The following CCNJL variants were observed in gnomAD, a reference collection of about 807,000 sequenced individuals.
CCNJL encodes the protein cyclin-J-like protein.
CCNJL carries 33 observed loss-of-function variants against 33.4 expected under a neutral mutation model. That is an observed-to-expected ratio of 0.99 (90% CI 0.75 to 1.32). The LOEUF is 1.32. Ranked by LOEUF, CCNJL falls within the 40% of genes most tolerant of loss-of-function variation. The pLI, the probability that CCNJL is intolerant of heterozygous loss-of-function variation, is 0.00. For synonymous variants in CCNJL, 227 were observed against 220.9 expected (o/e 1.03, Z -0.24); for missense variants, 512 against 499.7 (o/e 1.02, Z -0.23).
chr5:160,336,860 G>T (rs1340476435), intron 1 of CCNJL, among the ~76,000 whole-genome samples: 2 of 152,018 alleles, frequency 1.3e-5, no homozygotes, highest in Non-Finnish European at 2.9e-5. Flanking sequence ...AGTGAAACCT[G>T]TTGGCTCTAT....
intron 3 of CCNJL, 87 bp from the exon 4 acceptor site, chr5:160,259,858 A>G (rs962518827): frequency 3.0e-5 from 33 of 1,091,636 alleles, no homozygotes; most frequent in Admixed American, 2.0e-4. Flanking sequence ...GTGCCTGGAC[A>G]TTGCTGGCAA....
rs149012875 is a variant in CCNJL, at chr5:160,322,424, A to C, written n.207-6919T>G. The stretch of plus-strand genomic sequence containing the variant: ...CCTTCTTTCCAAAATGGGGATAATA[A>C]TAGTACTGCCTTTATGGGGTTATAT... On this transcript the variant is annotated intron_variant and non_coding_transcript_variant, in intron 1 of 7. Coordinates refer to the CCNJL transcript ENST00000377503. 6.6e-4 allele frequency among the ~76,000 whole-genome samples: 101 copies of C among 152,314 alleles called. 1 individual carries two copies. In the East Asian group the frequency reaches 0.014, roughly 22 times the overall value.
At chr5:160,268,004 GCTCT>G (rs1423113736) in intron 3 of CCNJL, among the ~76,000 whole-genome samples, 5 of 152,216 alleles carry the variant, frequency 3.3e-5, no homozygotes, top group African/African-American at 7.2e-5. Flanking sequence ...CAAAGGAGTG[GCTCT>G]CTAACAGGAA....
rs1247363783 is a variant in CCNJL at position 160,286,742 on chromosome 5, T to C, written c.67-6004A>G. 2.6e-5 allele frequency among the ~76,000 whole-genome samples: 4 copies of C among 152,136 alleles called. No individual in the cohort carries two copies. The East Asian group carries it at 7.7e-4, about 29-fold the overall frequency. On this transcript the variant is annotated intron_variant, in intron 2 of 5. Coordinates refer to ENST00000257536, the MANE Select transcript of CCNJL (RefSeq NM_001308173.3). Reference sequence around the variant, plus strand: ...GTAGGTACAGCGTGCTGGAAGGGGCTGGTCTCAAGAGGGCAGGATTTTGAA... The same window carrying C: ...GTAGGTACAGCGTGCTGGAAGGGGCCGGTCTCAAGAGGGCAGGATTTTGAA...
At chr5:160,301,869 A>C (rs1478300302) in intron 2 of CCNJL, among the ~76,000 whole-genome samples, 1 of 151,598 alleles carries the variant, frequency 6.6e-6, no homozygotes, top group Non-Finnish European at 1.5e-5. Context: ...AGCTGGGATT[A>C]CAGGCATGTG....
intron 2 of CCNJL, among the ~76,000 whole-genome samples, chr5:160,282,150 C>G (rs1290308276): frequency 6.6e-6 from 1 of 152,174 alleles, no homozygotes; most frequent in Non-Finnish European, 1.5e-5. Flanking sequence ...TCTCTTAACC[C>G]TGGGGCTTAC....
At chr5:160,273,532 G>T (rs1247888456) in intron 3 of CCNJL, among the ~76,000 whole-genome samples, 1 of 151,870 alleles carries the variant, frequency 6.6e-6, no homozygotes, top group African/African-American at 2.4e-5. Flanking sequence ...GGTGAAAGAA[G>T]AAGACAGAGT....
At chr5:160,296,894 C>T (rs567463070) in intron 2 of CCNJL, among the ~76,000 whole-genome samples, 2 of 152,268 alleles carry the variant, frequency 1.3e-5, no homozygotes, top group African/African-American at 4.8e-5. Context: ...TTTGGTATAG[C>T]GGTAGGAGTG....
intron 2 of CCNJL, among the ~76,000 whole-genome samples, chr5:160,304,060 G>A (rs1356190301): frequency 6.6e-6 from 1 of 152,180 alleles, no homozygotes; most frequent in African/African-American, 2.4e-5. Context: ...ACACCTGGGT[G>A]GCAGGTGGGG....
intron 1 of CCNJL, among the ~76,000 whole-genome samples, chr5:160,326,027 A>C (rs1265207852): frequency 2.6e-5 from 4 of 152,170 alleles, no homozygotes; most frequent in African/African-American, 9.7e-5. Context: ...ACAAGGCACC[A>C]ACTGTGGAGC....
chr5:160,262,955 G>A (rs1158023213), intron 3 of CCNJL, among the ~76,000 whole-genome samples: 1 of 152,194 alleles, frequency 6.6e-6, no homozygotes, highest in Non-Finnish European at 1.5e-5. Flanking sequence ...GACTTCAGGC[G>A]AGTCCCCTGG....
chr5:160,303,308 C>T (rs981952179), intron 2 of CCNJL, among the ~76,000 whole-genome samples: 3 of 152,080 alleles, frequency 2.0e-5, no homozygotes, highest in African/African-American at 7.2e-5. Flanking sequence ...CGGGTTCAAG[C>T]GATTCTCCTG....
chr5:160,320,520 G>A (rs943848656), intron 1 of CCNJL, among the ~76,000 whole-genome samples: 2 of 152,258 alleles, frequency 1.3e-5, no homozygotes, highest in East Asian at 3.9e-4. Flanking sequence ...GGAAAAAACC[G>A]CCTGAGTTTG....
At chr5:160,315,903 G>C (rs1040636490), upstream of CCNJL, among the ~76,000 whole-genome samples, 5 of 152,146 alleles carry the variant, frequency 3.3e-5, no homozygotes, top group Non-Finnish European at 7.4e-5. Flanking sequence ...TACATTGAAA[G>C]AAGACAGGCC....
rs190907230 is a variant in CCNJL, at chr5:160,284,390, A to G, written c.67-3652T>C. Among the ~76,000 whole-genome samples the G allele has an allele frequency of 3.8e-3, 583 of 152,236 alleles. 1 individual carries two copies. The highest frequency in any genetic ancestry group is 0.027 in the Middle Eastern group (8 of 294). On this transcript the variant is annotated intron_variant, in intron 2 of 5. Transcript: ENST00000257536. ...ATAAAATAAAAGTGAATTTTATGAT[A>G]TGTGAATTGTTATATCTCAATAAAG...
At chr5:160,288,402 C>G (rs1161341830) in intron 2 of CCNJL, among the ~76,000 whole-genome samples, 1 of 152,162 alleles carries the variant, frequency 6.6e-6, no homozygotes, top group African/African-American at 2.4e-5. Flanking sequence ...CTAGCAACCC[C>G]ACATCATCCC....
intron 3 of CCNJL, among the ~76,000 whole-genome samples, chr5:160,265,358 C>A (rs1000090505): frequency 6.6e-6 from 1 of 152,122 alleles, no homozygotes; most frequent in African/African-American, 2.4e-5. Context: ...GCAATGCCGG[C>A]CAGGTGTGGT....
chr5:160,309,961 C>CAAAGG lies in CCNJL; in HGVS notation c.66+1896_66+1897insCCTTT, dbSNP rs1168450169. Among the ~76,000 whole-genome samples the CAAAGG allele has an allele frequency of 1.0e-3, 155 of 152,260 alleles. 1 individual carries two copies. The Middle Eastern group carries it at 0.014, about 13-fold the overall frequency. Reference sequence around the variant, plus strand: ...GACATGGCTATAGCAGTTCATGGAGCCTTTCTTGCTTCTTTGAGCAGCCGA... The same window carrying CAAAGG: ...GACATGGCTATAGCAGTTCATGGAGCAAAGGCTTTCTTGCTTCTTTGAGCAGCCGA... On this transcript the variant is annotated intron_variant, in intron 2 of 5. Coordinates refer to ENST00000257536, the MANE Select transcript of CCNJL (RefSeq NM_001308173.3).
intron 2 of CCNJL, among the ~76,000 whole-genome samples, chr5:160,290,097 C>T (rs571557445): frequency 1.7e-4 from 26 of 152,276 alleles, no homozygotes; most frequent in African/African-American, 6.0e-4. Flanking sequence ...ATGAAAGTTC[C>T]GCCAGGCACC....
Sources: gnomAD v4.1 joint callset for allele counts (sites outside exome capture counted in the v4.1 genomes callset) on GRCh38, gnomAD v4.1.1 for gene constraint, MANE v1.5 for transcripts, NCBI Gene and HGNC (gene_info 2026-07-23, HGNC 2026-07-21) for gene names.